Variants in TRAF6 observed in about 807,000 individuals in gnomAD.
TRAF6 encodes TNF receptor-associated factor 6.
Under a neutral mutation model 48.4 loss-of-function variants are expected in TRAF6, and 10 were observed. The ratio of observed to expected loss-of-function variants is 0.21; its 90% CI spans 0.13 to 0.35. The LOEUF is 0.35. Among genes scored for constraint, TRAF6 ranks in the 10% least tolerant of loss-of-function variants. The probability of loss-of-function intolerance (pLI) is 1.00; values close to 1 mark genes in which losing one functional copy is unlikely to be tolerated. For synonymous variants in TRAF6, 186 were observed against 219.6 expected, an observed-to-expected ratio of 0.85 and a Z score of 1.35; for missense variants, 397 against 661.0, an observed-to-expected ratio of 0.60 and a Z score of 4.38.
rs1312721849 is a variant in TRAF6 at position 36,501,506 on chromosome 11, G to A, written c.10C>T (p.Leu4=). The A allele has an allele frequency of 8.1e-6, 13 of 1,604,122 alleles. No individual in the cohort carries two copies. The Admixed American group carries it at 2.2e-4, about 27-fold the overall frequency. MSL[L]NCENSCGSSQ... ...GATCCACAGCTGTTTTCACAGTTTA[G>A]CAGACTCATAGTAACTTGATTATCA... Residue 4 remains leucine (L), a synonymous_variant, in exon 2 of 7, where the codon CTA becomes TTA. Transcript: ENST00000526995.
At chr11:36,499,261 G>A (rs1015032051) in intron 2 of TRAF6, among the ~76,000 whole-genome samples, 1 of 152,100 alleles carries the variant, frequency 6.6e-6, no homozygotes, top group African/African-American at 2.4e-5. Flanking sequence ...TCTTTCTTAT[G>A]ATGGAAAAAA....
chr11:36,508,422 G>A (rs1330384334), intron 1 of TRAF6, among the ~76,000 whole-genome samples: 1 of 151,844 alleles, frequency 6.6e-6, no homozygotes, highest in Non-Finnish European at 1.5e-5. Context: ...TTAGTATCTG[G>A]GTGTACATTA....
In TRAF6 at chr11:36,498,476, A is replaced by C. The variant is rs1174253579; in HGVS notation, c.447+14T>G. The stretch of plus-strand genomic sequence containing the variant: ...TTTATACATGTGCTAACAGCTAGAA[A>C]AGAACTTTAATACCTCAAGATGTCT... On this transcript the variant is annotated intron_variant, in intron 3 of 6. Transcript: ENST00000526995. 6.2e-7 allele frequency: 1 copy of C among 1,601,266 alleles called. No homozygotes were observed. Among genetic ancestry groups the C allele is most frequent in the Non-Finnish European group, 8.5e-7 (1 of 1,176,010 alleles).
At chr11:36,508,094 C>T (rs1284106725) in intron 1 of TRAF6, among the ~76,000 whole-genome samples, 2 of 151,986 alleles carry the variant, frequency 1.3e-5, no homozygotes, top group African/African-American at 4.8e-5. Flanking sequence ...CCTCCCACCT[C>T]AGCCTCCCGA....
intron 1 of TRAF6, among the ~76,000 whole-genome samples, chr11:36,507,673 ATATATGTATACATACACGAG>A (rs1859819882): frequency 1.5e-5 from 1 of 67,684 alleles, no homozygotes; most frequent in Non-Finnish European, 3.1e-5. Context: ...ACGCGCGTGT[ATATATGTATACATACACGAG>A]CGTGTATATA....
intron 1 of TRAF6, among the ~76,000 whole-genome samples, chr11:36,507,212 A>G (rs11033666): frequency 0.94 from 50,432 of 53,576 alleles, 23,772 homozygotes; most frequent in Middle Eastern, 0.97. Flanking sequence ...TTATACATAC[A>G]TAAATGTATA....
chr11:36,496,708 TG>T (rs1409435226), intron 4 of TRAF6, among the ~76,000 whole-genome samples: 1 of 152,260 alleles, frequency 6.6e-6, no homozygotes, highest in African/African-American at 2.4e-5. Context: ...ATTTATTCTT[TG>T]TAATAGTTAG....
Position 36,490,375 on chromosome 11 carries a change from G to A in TRAF6, c.1032C>T (p.Ile344=), listed in dbSNP as rs1400964751. The change falls in exon 7 of 7, where the codon ATC becomes ATT. Residue 344 remains isoleucine, a synonymous_variant. Transcript: ENST00000526995. This position sits in a 1 kb window ranked among gnomAD's most constrained non-coding sequence, Gnocchi z 6.4. The stretch of plus-strand genomic sequence containing the variant: ...AAATTCCATTGCACTGCTGTGCTTC[G>A]ATTTCAGCAACTTTGTCCTCAAGGG... The part of the protein sequence containing the change: ...IRTLEDKVAE[I]EAQQCNGIYI... The A allele has an allele frequency of 2.5e-6, 4 of 1,614,126 alleles. No individual in the cohort carries two copies. Among genetic ancestry groups the A allele is most frequent in the Admixed American group, 1.7e-5 (1 of 60,016 alleles).
rs548138006 is a variant in TRAF6 at position 36,497,995 on chromosome 11, C to T, written c.447+495G>A. 1.1e-4 allele frequency among the ~76,000 whole-genome samples: 17 copies of T among 151,986 alleles called. No individual in the cohort carries two copies. In the Middle Eastern group the frequency reaches 0.01, roughly 92 times the overall value. ...TACCTCCTGGTTTCAAGTGATTCTC[C>T]TGCTTTGGCCTCCTGAGTAGCTGGG... On this transcript the variant is annotated intron_variant, in intron 3 of 6. Coordinates refer to ENST00000526995, the MANE Select transcript of TRAF6 (RefSeq NM_004620.4).
intron 1 of TRAF6, among the ~76,000 whole-genome samples, chr11:36,503,379 C>T (rs891929100): frequency 3.3e-5 from 5 of 151,896 alleles, no homozygotes; most frequent in African/African-American, 4.8e-5. Context: ...ACTGCAACCC[C>T]CGCCTCTGGG....
chr11:36,490,515 T>C lies in TRAF6; in HGVS notation c.892A>G (p.Thr298Ala). The C allele has an allele frequency of 6.2e-7, 1 of 1,613,982 alleles. No homozygotes were observed. Among genetic ancestry groups the C allele is most frequent in the Non-Finnish European group, 8.5e-7 (1 of 1,180,030 alleles). The change falls in exon 7 of 7, where the codon ACT becomes GCT. Residue 298 changes from threonine to alanine, a missense_variant. Coordinates refer to ENST00000526995, the MANE Select transcript of TRAF6 (RefSeq NM_004620.4). The surrounding 1 kb of genome is among the most constrained non-coding windows in gnomAD (Gnocchi z 6.4). The part of the protein sequence containing the change: ...YISEVRNFQE[T>A]IHQLEGRLVR... ...AGGCGACCCTCTAACTGGTGAATAG[T>C]TTCCTGGAAATTCCGGACCTCTGAG...
chr11:36,497,403 C>G, intron 3 of TRAF6, 137 bp from the exon 4 acceptor site: 1 of 723,702 alleles, frequency 1.4e-6, no homozygotes. Context: ...GAACCATTCA[C>G]AATATGAACG....
intron 1 of TRAF6, among the ~76,000 whole-genome samples, chr11:36,506,654 A>G (rs897619091): frequency 2.0e-5 from 3 of 152,194 alleles, no homozygotes; most frequent in Non-Finnish European, 2.9e-5. Flanking sequence ...GACCTTTTAT[A>G]GCTAATGTGT....
chr11:36,490,716 C>G lies in TRAF6; in HGVS notation c.757-66G>C. 6.9e-7 allele frequency: 1 copy of G among 1,445,880 alleles called. No homozygotes were observed. Among genetic ancestry groups the G allele is most frequent in the Non-Finnish European group, 9.3e-7 (1 of 1,070,992 alleles). The allele number at this position is 1,445,880 out of a possible 1,614,324, so 89.6% of individuals were successfully genotyped here. The stretch of plus-strand genomic sequence containing the variant: ...GTGAGGAGTAGGAAAAGGACCTGGC[C>G]AGGTCAAATAAGAAGTTTTCAAGTA... On this transcript the variant is annotated intron_variant, in intron 6 of 6. Coordinates refer to ENST00000526995, the MANE Select transcript of TRAF6 (RefSeq NM_004620.4). The surrounding 1 kb of genome is among the most constrained non-coding windows in gnomAD (Gnocchi z 6.4).
intron 1 of TRAF6, among the ~76,000 whole-genome samples, chr11:36,508,740 A>G (rs1160197177): frequency 6.6e-6 from 1 of 152,188 alleles, no homozygotes; most frequent in Non-Finnish European, 1.5e-5. Flanking sequence ...ATGTACTCCA[A>G]TGGCCAAGAG....
Position 36,489,693 on chromosome 11 carries a change from A to G in TRAF6, c.*145T>C, listed in dbSNP as rs1419078480. ...CTGCCTCAGATCATTTGTAACAGGA[A>G]GAAATAGTAAGTGACCTCTCTAACA... is the stretch of plus-strand genomic sequence containing the variant. On this transcript the variant is annotated 3_prime_UTR_variant, in exon 7 of 7. Coordinates refer to ENST00000526995, the MANE Select transcript of TRAF6 (RefSeq NM_004620.4). 2 of 914,008 alleles carry G rather than the reference A, an allele frequency of 2.2e-6. No homozygotes were observed. The highest frequency in any genetic ancestry group is 3.4e-6 in the Non-Finnish European group (2 of 594,854). 56.6% of individuals were successfully genotyped at this position (914,008 alleles called of 1,614,324 possible). A position where few individuals can be genotyped will look rare whatever the true frequency, so the allele number is the denominator to read the frequency against.
At chr11:36,493,104 A>G (rs1214496943) in intron 5 of TRAF6, among the ~76,000 whole-genome samples, 2 of 152,206 alleles carry the variant, frequency 1.3e-5, no homozygotes, top group African/African-American at 4.8e-5. Flanking sequence ...AACTTTTGTT[A>G]AGCTGGGCAT....
Position 36,487,865 on chromosome 11 carries a change from G to A in TRAF6, c.*1973C>T, listed in dbSNP as rs911542675. On this transcript the variant is annotated 3_prime_UTR_variant, in exon 7 of 7. Transcript: ENST00000526995. Reference sequence around the variant, plus strand: ...AAATATCATTTCCTTTTTTGAGCTGGGGGCGTGGAGATTAAATGTTTTGTG... The same window carrying A: ...AAATATCATTTCCTTTTTTGAGCTGAGGGCGTGGAGATTAAATGTTTTGTG... 2.0e-5 allele frequency: 3 copies of A among 152,048 alleles called. No homozygotes were observed. Among genetic ancestry groups the A allele is most frequent in the African/African-American group, 7.2e-5 (3 of 41,416 alleles). 9.4% of individuals were successfully genotyped at this position (152,048 alleles called of 1,614,324 possible).
chr11:36,500,135 G>A lies in TRAF6; in HGVS notation c.296+1085C>T, dbSNP rs1859696011. On this transcript the variant is annotated intron_variant, in intron 2 of 6. Transcript: ENST00000526995. ...GCTCTCAAGGAGCTTATCATCCAGT[G>A]GGGCAGACAATAAACACATAAATTA... Among the ~76,000 whole-genome samples, 3 of 152,156 alleles carry A rather than the reference G, an allele frequency of 2.0e-5. No individual in the cohort carries two copies. The South Asian group carries it at 6.2e-4, about 32-fold the overall frequency.
Sources: gnomAD v4.1 joint callset for allele counts (sites outside exome capture counted in the v4.1 genomes callset) on GRCh38, gnomAD v4.1.1 for gene constraint, Gnocchi (gnomAD v3.1) non-coding constraint, MANE v1.5 for transcripts, NCBI Gene and HGNC (gene_info 2026-07-23, HGNC 2026-07-21) for gene names.